PRDM2: variants seen among roughly 807,000 people sequenced by gnomAD.
PRDM2 encodes the protein PR domain zinc finger protein 2.
A neutral mutation model predicts 130.0 loss-of-function variants in PRDM2; 30 were observed. The ratio of observed to expected loss-of-function variants is 0.23; its 90% CI spans 0.17 to 0.31. The LOEUF (loss-of-function observed/expected upper bound fraction) is 0.31, where lower values mean the gene tolerates loss of function less well. Ranked by LOEUF, PRDM2 falls within the 10% of genes least tolerant of loss-of-function variation. The pLI is 1.00. For synonymous variants in PRDM2, 871 were observed against 782.4 expected, an observed-to-expected ratio of 1.11 and a Z score of -1.89; for missense variants, 2,011 against 2,108.4, an observed-to-expected ratio of 0.95 and a Z score of 0.90.
At chr1:13,801,640 A>G (rs1340846942) in intron 8 of PRDM2, among the ~76,000 whole-genome samples, 1 of 152,242 alleles carries the variant, frequency 6.6e-6, no homozygotes, top group Admixed American at 6.5e-5. Flanking sequence ...TCTTGGGAAG[A>G]TTAAATTCAT....
At chr1:13,759,060 T>C (rs949977454) in intron 6 of PRDM2, among the ~76,000 whole-genome samples, 1 of 152,174 alleles carries the variant, frequency 6.6e-6, no homozygotes, top group African/African-American at 2.4e-5. Flanking sequence ...AATTTCACTC[T>C]TAGTGAATTA....
intron 4 of PRDM2, among the ~76,000 whole-genome samples, chr1:13,735,050 C>T (rs975356535): frequency 6.6e-6 from 1 of 152,166 alleles, no homozygotes; most frequent in African/African-American, 2.4e-5. Flanking sequence ...CTCATCTTGG[C>T]ATTTGTTCTT....
At chr1:13,795,211 CAATAAT>C (rs1203993261) in intron 8 of PRDM2, among the ~76,000 whole-genome samples, 2 of 152,162 alleles carry the variant, frequency 1.3e-5, no homozygotes, top group Admixed American at 1.3e-4. Context: ...TTTGCTGAAA[CAATAAT>C]AATGTAAGGA....
At chr1:13,815,902 C>A (rs1347270121) in intron 8 of PRDM2, among the ~76,000 whole-genome samples, 2 of 152,168 alleles carry the variant, frequency 1.3e-5, no homozygotes, top group Non-Finnish European at 2.9e-5. Flanking sequence ...GGGTTAAGGG[C>A]AATGGAGCTG....
rs147014305 is a variant in PRDM2, at chr1:13,733,558, T to C, written c.231+676T>C. Among the ~76,000 whole-genome samples the C allele has an allele frequency of 6.9e-4, 105 of 152,308 alleles. 1 individual carries two copies. In the East Asian group the frequency reaches 0.018, roughly 26 times the overall value. On this transcript the variant is annotated intron_variant, in intron 4 of 9. Coordinates refer to ENST00000311066, the MANE Select transcript of PRDM2 (RefSeq NM_001393986.1). ...CAGTTAAGGTTTTCATTGCATTGCC[T>C]GAGTTCAAATCCTACCTCTAGCTTC...
Position 13,780,281 on chromosome 1 carries a change from G to T in PRDM2, c.2486G>T (p.Gly829Val). ...CAGCAGCCACTGGATTTATCCAGCG[G>T]TGTCAAACAGAAGGCTGAGGGTACA... ...CNQQPLDLSS[G>V]VKQKAEGTGK... The change falls in exon 8 of 10, where the codon GGT becomes GTT. Residue 829 changes from glycine (G) to valine (V), a missense_variant. This residue lies in a region of PRDM2 where 1,288 missense variants were observed against 1,237.7 expected (regional missense o/e 1.04). Transcript: ENST00000311066. 6.2e-7 allele frequency: 1 copy of T among 1,614,140 alleles called. No individual in the cohort carries two copies. The highest frequency in any genetic ancestry group is 8.5e-7 in the Non-Finnish European group (1 of 1,180,030).
At chr1:13,760,194 G>A (rs1248620650) in intron 6 of PRDM2, among the ~76,000 whole-genome samples, 1 of 152,150 alleles carries the variant, frequency 6.6e-6, no homozygotes, top group Non-Finnish European at 1.5e-5. Flanking sequence ...ATTTCTGTCT[G>A]ACCCTTTTAA....
At chr1:13,714,441 T>A (rs1300795232) in intron 1 of PRDM2, among the ~76,000 whole-genome samples, 4 of 152,048 alleles carry the variant, frequency 2.6e-5, no homozygotes, top group Non-Finnish European at 5.9e-5. Flanking sequence ...TACATCCTTA[T>A]GCCAATTATG....
At chr1:13,721,500 A>G (rs557888056) in intron 2 of PRDM2, among the ~76,000 whole-genome samples, 52 of 152,146 alleles carry the variant, frequency 3.4e-4, no homozygotes, top group Non-Finnish European at 7.1e-4. Context: ...GTTTTGACTT[A>G]AACCTCAACT....
intron 8 of PRDM2, among the ~76,000 whole-genome samples, chr1:13,809,030 AG>A (rs1645130023): frequency 6.6e-6 from 1 of 152,238 alleles, no homozygotes; most frequent in Non-Finnish European, 1.5e-5. Flanking sequence ...CATGCAGCCC[AG>A]GCCTCTCTGG....
In PRDM2 at chr1:13,778,930, A is replaced by G. The variant is rs373785871; in HGVS notation, c.1135A>G (p.Met379Val). Residue 379 changes from methionine (M) to valine (V), a missense_variant, in exon 8 of 10, where the codon ATG becomes GTG. Around this residue, in one of 5 missense-constraint regions of PRDM2, gnomAD observed 1,288 missense variants for 1,237.7 expected, o/e 1.04. Transcript: ENST00000311066. Reference sequence around the variant, plus strand: ...AACCAAACAGGGGCTTGAGCGTCACATGCATATCCATATATCCACCGTCAA... The same window carrying G: ...AACCAAACAGGGGCTTGAGCGTCACGTGCATATCCATATATCCACCGTCAA... Reference protein sequence around the residue: ...FTTKQGLERHMHIHISTVNHA... With the variant: ...FTTKQGLERHVHIHISTVNHA... 19 of 1,614,134 alleles carry G rather than the reference A, an allele frequency of 1.2e-5. No homozygotes were observed. The highest frequency in any genetic ancestry group is 1.4e-5 in the Non-Finnish European group (17 of 1,180,052).
chr1:13,712,985 G>A (rs1182210260), intron 1 of PRDM2, among the ~76,000 whole-genome samples: 1 of 152,110 alleles, frequency 6.6e-6, no homozygotes, highest in Non-Finnish European at 1.5e-5. Context: ...CCAGGCTGCA[G>A]CCTTGTGAGG....
At chr1:13,747,388 T>G (rs186518782) in intron 5 of PRDM2, among the ~76,000 whole-genome samples, 2 of 152,366 alleles carry the variant, frequency 1.3e-5, no homozygotes, top group Non-Finnish European at 2.9e-5. Flanking sequence ...TACTTTAACA[T>G]AAGCCTGTTC....
chr1:13,705,002 T>C (rs1300065391), intron 1 of PRDM2: 3 of 152,220 alleles, frequency 2.0e-5, no homozygotes, highest in Admixed American at 6.5e-5. Context: ...GATTCTTAAT[T>C]GTGAAGCTCT....
intron 6 of PRDM2, among the ~76,000 whole-genome samples, chr1:13,767,220 G>T (rs976772634): frequency 1.3e-5 from 2 of 151,266 alleles, no homozygotes; most frequent in African/African-American, 4.9e-5. Context: ...CTTGTTTCTG[G>T]CACAGGATAA....
At position 13,768,216 on chromosome 1, in the gene PRDM2, T is replaced by C. The variant is rs568552831; in HGVS notation, c.512-4862T>C. On this transcript the variant is annotated intron_variant, in intron 6 of 9. Coordinates refer to ENST00000311066, the MANE Select transcript of PRDM2 (RefSeq NM_001393986.1). ...CCTCAGCCTCCCAAGTAGCTGGGAC[T>C]ATACTACAGGCGCCCACCACCACGC... is the stretch of plus-strand genomic sequence containing the variant. 2.7e-5 allele frequency among the ~76,000 whole-genome samples: 4 copies of C among 150,426 alleles called. No individual in the cohort carries two copies. In the South Asian group the frequency reaches 8.4e-4, roughly 32 times the overall value.
intron 2 of PRDM2, among the ~76,000 whole-genome samples, chr1:13,723,049 G>C (rs1311054252): frequency 1.3e-5 from 2 of 152,150 alleles, no homozygotes; most frequent in Admixed American, 1.3e-4. Context: ...GGCTGCCTCT[G>C]CTTTCTTCCC....
chr1:13,794,739 A>G (rs1462430971), intron 8 of PRDM2, among the ~76,000 whole-genome samples: 4 of 152,214 alleles, frequency 2.6e-5, no homozygotes, highest in African/African-American at 7.2e-5. Context: ...TGTCCTCTCT[A>G]ATCTCAGTTT....
rs992688877 is a variant in PRDM2 at position 13,824,622 on chromosome 1, T to C, written c.*1487T>C. 32 of 152,298 alleles carry C rather than the reference T, an allele frequency of 2.1e-4. No homozygotes were observed. The highest frequency in any genetic ancestry group is 7.5e-4 in the African/African-American group (31 of 41,550). The allele number at this position is 152,298 out of a possible 1,614,324, so 9.4% of individuals were successfully genotyped here. ...CCCAGCTAAAAACCGTTGTTTGCTTTAAATTTTCATAAACTGGAATCCTTT... is the reference window on the plus strand; with the variant it reads ...CCCAGCTAAAAACCGTTGTTTGCTTCAAATTTTCATAAACTGGAATCCTTT... On this transcript the variant is annotated 3_prime_UTR_variant, in exon 10 of 10. Transcript: ENST00000311066.
Sources: allele counts gnomAD v4.1 joint callset (sites outside exome capture counted in the v4.1 genomes callset), GRCh38; gene constraint gnomAD v4.1.1; regional missense constraint gnomAD v4.1.1; transcripts MANE v1.5; gene names NCBI Gene and HGNC (gene_info 2026-07-23, HGNC 2026-07-21).